Variants in STAM observed in about 807,000 individuals in gnomAD.
The protein encoded by STAM is signal transducing adaptor molecule.
STAM carries 16 observed loss-of-function variants against 63.4 expected under a neutral mutation model. The ratio of observed to expected loss-of-function variants is 0.25; its 90% confidence interval spans 0.17 to 0.38. STAM has a LOEUF of 0.38. STAM is among the 10% of genes least tolerant of loss of function. The pLI is 1.00. For missense variants in STAM, 636 were observed against 657.1 expected (o/e 0.97, Z 0.35); for synonymous variants, 238 against 223.9 (o/e 1.06, Z -0.56).
At chr10:17,678,224 A>G (rs1236815190) in intron 2 of STAM, among the ~76,000 whole-genome samples, 2 of 151,360 alleles carry the variant, frequency 1.3e-5, no homozygotes, top group African/African-American at 2.4e-5. Flanking sequence ...TCTGCAATAC[A>G]TGTTCTTTTG....
chr10:17,670,705 A>G (rs1554823972), intron 2 of STAM, among the ~76,000 whole-genome samples: 1 of 152,064 alleles, frequency 6.6e-6, no homozygotes, highest in East Asian at 1.9e-4. Flanking sequence ...GTCCTTTGGG[A>G]CTTACATGAA....
intron 5 of STAM, among the ~76,000 whole-genome samples, chr10:17,690,801 A>C (rs566008061): frequency 1.3e-5 from 2 of 152,350 alleles, no homozygotes; most frequent in South Asian, 4.1e-4. Flanking sequence ...TTCTGTTAGC[A>C]CTAACTTTTG....
At chr10:17,712,133 G>A in intron 13 of STAM, among the ~76,000 whole-genome samples, 1 of 152,222 alleles carries the variant, frequency 6.6e-6, no homozygotes. Flanking sequence ...TAACATTTAA[G>A]GGGTATTTAG....
At chr10:17,704,119 G>T (rs1439759750) in intron 9 of STAM, among the ~76,000 whole-genome samples, 1 of 152,128 alleles carries the variant, frequency 6.6e-6, no homozygotes, top group African/African-American at 2.4e-5. Flanking sequence ...TTTAAACAGG[G>T]TCTTGCACTG....
chr10:17,700,204 G>C lies in STAM; in HGVS notation c.837G>C (p.Lys279Asn). 1 of 1,607,454 alleles carries C rather than the reference G, an allele frequency of 6.2e-7. No individual in the cohort carries two copies. Among genetic ancestry groups the C allele is most frequent in the Non-Finnish European group, 8.5e-7 (1 of 1,177,288 alleles). ...CATATCTTACAGTTAAAACAGAGAA[G>C]AAGACGGTACAATTTAGTGATGATG... ...TAEPEMIKTEKKTVQFSDDVQ... is the reference protein window; with the variant it reads ...TAEPEMIKTENKTVQFSDDVQ... The change falls in exon 9 of 14, where the codon AAG (lysine) becomes AAC (asparagine). Residue 279 changes from lysine (K) to asparagine (N), a missense_variant. Physicochemically the swap from Lys to Asn is moderately conservative, Grantham distance 94 (BLOSUM62 0). Transcript: ENST00000377524.
intron 2 of STAM, among the ~76,000 whole-genome samples, chr10:17,680,086 C>G (rs984892849): frequency 6.6e-6 from 1 of 152,046 alleles, no homozygotes; most frequent in African/African-American, 2.4e-5. Flanking sequence ...TTTATTGCCT[C>G]TCTTTATTGT....
Position 17,715,973 on chromosome 10 carries a change from G to C in STAM, c.*1193G>C, listed in dbSNP as rs1554830863. ...TTGTTTTCTTTCACACTGGATTTTT[G>C]GGTTGCTCTTTCTGGCCTTTTAAAA... is the stretch of plus-strand genomic sequence containing the variant. On this transcript the variant is annotated 3_prime_UTR_variant, in exon 14 of 14. Coordinates refer to ENST00000377524, the MANE Select transcript of STAM (RefSeq NM_003473.4). 3 of 152,490 alleles carry C rather than the reference G, an allele frequency of 2.0e-5. No homozygotes were observed. In the East Asian group the frequency reaches 5.8e-4, roughly 30 times the overall value. 9.4% of individuals were successfully genotyped at this position (152,490 alleles called of 1,614,324 possible). A position where few individuals can be genotyped will look rare whatever the true frequency, so the allele number is the denominator to read the frequency against.
intron 13 of STAM, 122 bp from the exon 14 acceptor site, chr10:17,714,421 A>T: frequency 1.1e-6 from 1 of 914,462 alleles, no homozygotes; most frequent in Non-Finnish European, 1.7e-6. Context: ...ATAGCTGTTT[A>T]GTAAAAGGTT....
intron 2 of STAM, among the ~76,000 whole-genome samples, chr10:17,679,434 G>C (rs1834991458): frequency 6.6e-6 from 1 of 152,120 alleles, no homozygotes; most frequent in African/African-American, 2.4e-5. Flanking sequence ...TGAGATGTAG[G>C]AGTTCTTTAT....
At chr10:17,652,952 G>A (rs939801198) in intron 1 of STAM, among the ~76,000 whole-genome samples, 27 of 152,096 alleles carry the variant, frequency 1.8e-4, no homozygotes, top group African/African-American at 6.3e-4. Context: ...ACTAGTCTTT[G>A]TTTCCTAGGA....
At chr10:17,685,420 G>T (rs1326845165) in intron 4 of STAM, among the ~76,000 whole-genome samples, 1 of 152,188 alleles carries the variant, frequency 6.6e-6, no homozygotes, top group African/African-American at 2.4e-5. Flanking sequence ...GGTGGCGGGG[G>T]AGTTTCCACA....
chr10:17,644,314 C>T lies in STAM; in HGVS notation c.-26C>T, dbSNP rs1261840837. 1.2e-6 allele frequency: 2 copies of T among 1,613,820 alleles called. No homozygotes were observed. The highest frequency in any genetic ancestry group is 1.3e-5 in the African/African-American group (1 of 74,910). On this transcript the variant is annotated 5_prime_UTR_variant, in exon 1 of 14. Transcript: ENST00000377524. ...TCCCGTGCTGTCGAGAGGGAGTCCC[C>T]GGGGACACCTCGGCACGCAGCGGAG...
intron 1 of STAM, among the ~76,000 whole-genome samples, chr10:17,658,810 A>G (rs548009957): frequency 1.1e-4 from 16 of 151,982 alleles, no homozygotes; most frequent in Non-Finnish European, 2.2e-4. Flanking sequence ...TTTAATCTCT[A>G]TGTGTTTTTA....
chr10:17,672,707 G>A (rs1834690256), intron 2 of STAM, among the ~76,000 whole-genome samples: 1 of 152,152 alleles, frequency 6.6e-6, no homozygotes, highest in African/African-American at 2.4e-5. Context: ...TTTGAGAGAC[G>A]GTTCATGAGT....
intron 1 of STAM, among the ~76,000 whole-genome samples, chr10:17,648,632 C>T (rs1833615757): frequency 6.6e-6 from 1 of 152,188 alleles, no homozygotes; most frequent in African/African-American, 2.4e-5. Flanking sequence ...GACACATCAT[C>T]ACCTTTTTCT....
rs373798864 is a variant in STAM, at chr10:17,697,005, C to T, written c.823+136C>T. ...TGCGAGCTCGGATCATTGCAACCTCCGCCTCCTGGGTTCAGGTGATTCTCC... is the reference window on the plus strand; with the variant it reads ...TGCGAGCTCGGATCATTGCAACCTCTGCCTCCTGGGTTCAGGTGATTCTCC... On this transcript the variant is annotated intron_variant, in intron 8 of 13. Coordinates refer to ENST00000377524, the MANE Select transcript of STAM (RefSeq NM_003473.4). 2.0e-3 allele frequency: 1,277 copies of T among 637,214 alleles called. 23 individuals carry two copies. In the South Asian group the frequency reaches 0.023, roughly 12 times the overall value. The allele number at this position is 637,214 out of a possible 1,614,324, so 39.5% of individuals were successfully genotyped here.
chr10:17,696,962 C>G (rs977225625), intron 8 of STAM, 93 bp downstream of exon 8: 17 of 992,928 alleles, frequency 1.7e-5, no homozygotes, highest in African/African-American at 3.2e-5. Flanking sequence ...CAGTGTTGCC[C>G]AGGCTGGAGT....
intron 1 of STAM, among the ~76,000 whole-genome samples, chr10:17,645,392 C>T (rs1554820711): frequency 6.6e-6 from 1 of 152,064 alleles, no homozygotes; most frequent in East Asian, 1.9e-4. Context: ...TAAACTCTTC[C>T]TTAGAGCATG....
rs989299988 is a variant in STAM, at chr10:17,700,863, T to G, written c.912+584T>G. 2.6e-5 allele frequency among the ~76,000 whole-genome samples: 4 copies of G among 152,186 alleles called. No individual in the cohort carries two copies. The East Asian group carries it at 7.7e-4, about 29-fold the overall frequency. On this transcript the variant is annotated intron_variant, in intron 9 of 13. Coordinates refer to ENST00000377524, the MANE Select transcript of STAM (RefSeq NM_003473.4). ...TAAATTACTGTTGTAAAAATAAAAT[T>G]GTCATTAAATTACTTCTACATAAAT...
Sources: allele counts gnomAD v4.1 joint callset (sites outside exome capture counted in the v4.1 genomes callset), GRCh38; gene constraint gnomAD v4.1.1; transcripts MANE v1.5; gene names NCBI Gene and HGNC (gene_info 2026-07-23, HGNC 2026-07-21).